The following LDLRAD4 variants were observed in gnomAD, a reference collection of about 807,000 sequenced individuals.
LDLRAD4 encodes the protein low-density lipoprotein receptor class A domain-containing protein 4.
In LDLRAD4, 5 loss-of-function variants were observed where a neutral mutation model predicts 17.0. The ratio of observed to expected loss-of-function variants is 0.29; its 90% CI spans 0.15 to 0.62. LDLRAD4 has a LOEUF of 0.62. Ranked by LOEUF, LDLRAD4 falls within the 20% of genes least tolerant of loss-of-function variation. LDLRAD4 has a pLI of 0.84. For missense variants in LDLRAD4, 340 were observed against 424.7 expected (o/e 0.80, Z 1.75); for synonymous variants, 168 against 171.8 (o/e 0.98, Z 0.17).
chr18:13,381,804 T>A (rs1345541099), intron 1 of LDLRAD4, among the ~76,000 whole-genome samples: 2 of 152,250 alleles, frequency 1.3e-5, no homozygotes, highest in East Asian at 3.8e-4. Context: ...CTTTGCCTCT[T>A]TGATCCTAAA....
intron 3 of LDLRAD4, among the ~76,000 whole-genome samples, chr18:13,576,896 G>T (rs147317480): frequency 1.3e-5 from 2 of 152,352 alleles, no homozygotes; most frequent in African/African-American, 2.4e-5. Context: ...CTGAGCAGAC[G>T]GGAGGACCTG....
At chr18:13,282,341 A>T (rs2045333153) in intron 1 of LDLRAD4, among the ~76,000 whole-genome samples, 1 of 152,182 alleles carries the variant, frequency 6.6e-6, no homozygotes, top group South Asian at 2.1e-4. Context: ...CACAGTCCAA[A>T]GTCTCATTTT....
At position 13,367,025 on chromosome 18, in the gene LDLRAD4, C is replaced by T. The variant is rs571978710; in HGVS notation, c.-382-20316C>T. ...GGCAGTGCTTTGAATGAAATCACAT[C>T]CACCAAATGGGCTTTTTACAGGAAG... is the stretch of plus-strand genomic sequence containing the variant. On this transcript the variant is annotated intron_variant, in intron 1 of 5. Coordinates refer to ENST00000359446, the Ensembl canonical transcript of LDLRAD4. The surrounding 1 kb of genome is among the most constrained non-coding windows in gnomAD (Gnocchi z 4.1). 2.0e-5 allele frequency among the ~76,000 whole-genome samples: 3 copies of T among 152,278 alleles called. No individual in the cohort carries two copies. The highest frequency in any genetic ancestry group is 2.4e-5 in the African/African-American group (1 of 41,548).
intron 1 of LDLRAD4, among the ~76,000 whole-genome samples, chr18:13,332,104 T>C (rs563488444): frequency 2.6e-4 from 39 of 152,378 alleles, no homozygotes; most frequent in Admixed American, 4.6e-4. Flanking sequence ...TATTTCTTCC[T>C]GTGGAATTGA....
At chr18:13,246,011 G>A (rs1456767704) in intron 1 of LDLRAD4, among the ~76,000 whole-genome samples, 2 of 152,256 alleles carry the variant, frequency 1.3e-5, no homozygotes, top group South Asian at 2.1e-4. Flanking sequence ...GGCAGGCACT[G>A]ACAGATGTAT....
intron 3 of LDLRAD4, among the ~76,000 whole-genome samples, chr18:13,490,893 A>G (rs934684557): frequency 6.6e-6 from 1 of 152,078 alleles, no homozygotes; most frequent in Non-Finnish European, 1.5e-5. Flanking sequence ...AAGCTTCTGC[A>G]CCCCCTGTCC....
chr18:13,530,008 T>C (rs2147799134), intron 3 of LDLRAD4, among the ~76,000 whole-genome samples: 1 of 152,346 alleles, frequency 6.6e-6, no homozygotes, highest in African/African-American at 2.4e-5. Context: ...GACTAGGTGG[T>C]ATTTCAGGGT....
chr18:13,620,942 C>A, intron 3 of LDLRAD4, 175 bp from the exon 5 acceptor site: 1 of 878,774 alleles, frequency 1.1e-6, no homozygotes, highest in Non-Finnish European at 1.8e-6. Flanking sequence ...CCCGACTGTG[C>A]CGTGGTGTCT....
chr18:13,646,428 A>G (rs2043018498), exon 6 of LDLRAD4: 1 of 152,308 alleles, frequency 6.6e-6, no homozygotes, highest in Non-Finnish European at 1.5e-5. Flanking sequence ...AAAAGTCATT[A>G]TTGTTGCAGG....
Position 13,420,161 on chromosome 18 carries a change from G to A in LDLRAD4, c.41-18083G>A, listed in dbSNP as rs191014131. Reference sequence around the variant, plus strand: ...AAAATAAAGCACACGGGCCTTAATTGAAGATGAGCTTCATGAAAGCATATC... The same window carrying A: ...AAAATAAAGCACACGGGCCTTAATTAAAGATGAGCTTCATGAAAGCATATC... On this transcript the variant is annotated intron_variant, in intron 2 of 5. Transcript: ENST00000359446. 7.9e-5 allele frequency: 12 copies of A among 152,304 alleles called. No homozygotes were observed. The East Asian group carries it at 2.1e-3, about 27-fold the overall frequency. 9.4% of individuals were successfully genotyped at this position (152,304 alleles called of 1,614,324 possible). A position where few individuals can be genotyped will look rare whatever the true frequency, so the allele number is the denominator to read the frequency against.
rs57033432 is a variant in LDLRAD4 at position 13,321,861 on chromosome 18, C to CAAAAAAAAAAAAA, written c.-383+43702_-383+43714dup. Among the ~76,000 whole-genome samples, 266 of 62,118 alleles carry CAAAAAAAAAAAAA rather than the reference C, an allele frequency of 4.3e-3. 6 individuals carry two copies. Among genetic ancestry groups the CAAAAAAAAAAAAA allele is most frequent in the Middle Eastern group, 0.011 (1 of 88 alleles). 40.8% of individuals were successfully genotyped at this position (62,118 alleles called of 152,430 possible). On this transcript the variant is annotated intron_variant, in intron 1 of 5. Coordinates refer to ENST00000359446, the Ensembl canonical transcript of LDLRAD4. The stretch of plus-strand genomic sequence containing the variant: ...AGGCAACAACAGCGAGACTCCGTCT[C>CAAAAAAAAAAAAA]AAAAAAAAAAAAAAAAAAAAAAAAA...
chr18:13,239,268 G>T (rs1286700483), intron 1 of LDLRAD4, among the ~76,000 whole-genome samples: 1 of 152,144 alleles, frequency 6.6e-6, no homozygotes, highest in Non-Finnish European at 1.5e-5. Flanking sequence ...GGTTGGAGGG[G>T]CCTGGCGTTA....
chr18:13,217,803 G>C (rs1328251839), upstream of LDLRAD4: 1 of 151,266 alleles, frequency 6.6e-6, no homozygotes, highest in African/African-American at 2.4e-5. The surrounding 1 kb of genome is among the most constrained non-coding windows in gnomAD (Gnocchi z 4.9). Context: ...CCCGCTCCGC[G>C]CGCCGCCGCG....
intron 3 of LDLRAD4, among the ~76,000 whole-genome samples, chr18:13,483,375 C>T (rs1057464235): frequency 5.9e-5 from 9 of 152,190 alleles, no homozygotes; most frequent in South Asian, 2.1e-4. Context: ...GTCTAGTCCT[C>T]GATCTTTGCT....
chr18:13,618,506 C>T (rs1360624704), intron 3 of LDLRAD4, among the ~76,000 whole-genome samples: 1 of 152,294 alleles, frequency 6.6e-6, no homozygotes, highest in Admixed American at 6.5e-5. Flanking sequence ...GCTGCAAATG[C>T]TTGTCTGCAT....
intron 3 of LDLRAD4, chr18:13,611,964 T>A: frequency 1.0e-6 from 1 of 985,328 alleles, no homozygotes; most frequent in Non-Finnish European, 1.2e-6. Flanking sequence ...AGGGACGCTG[T>A]GGGTGCTCCC....
At chr18:13,612,555 C>A (rs554764312) in intron 3 of LDLRAD4, 30 of 1,447,838 alleles carry the variant, frequency 2.1e-5, no homozygotes, top group African/African-American at 1.7e-4. Flanking sequence ...ACCCCCCCCC[C>A]CTCCACGCTC....
chr18:13,339,267 G>A (rs887940021), intron 1 of LDLRAD4, among the ~76,000 whole-genome samples: 20 of 150,440 alleles, frequency 1.3e-4, no homozygotes, highest in African/African-American at 9.8e-5. Flanking sequence ...CTGGAGGGAC[G>A]TGGTGGGATC....
chr18:13,577,669 C>CA (rs1430066628), intron 3 of LDLRAD4, among the ~76,000 whole-genome samples: 1 of 152,192 alleles, frequency 6.6e-6, no homozygotes, highest in Admixed American at 6.5e-5. Flanking sequence ...TAGCATTGCA[C>CA]AGTCCTCTTT....
Sources: gnomAD v4.1 joint callset for allele counts (sites outside exome capture counted in the v4.1 genomes callset) on GRCh38, gnomAD v4.1.1 for gene constraint, Gnocchi (gnomAD v3.1) non-coding constraint, MANE v1.5 for transcripts, NCBI Gene and HGNC (gene_info 2026-07-23, HGNC 2026-07-21) for gene names.